The following CHD6 variants were observed in gnomAD, a reference collection of about 807,000 sequenced individuals.
CHD6 encodes the protein chromodomain helicase DNA binding protein 6, also known as ATP-dependent chromatin remodeler CHD6.
A neutral mutation model predicts 276.9 loss-of-function variants in CHD6; 50 were observed. That is an observed-to-expected ratio of 0.18 (90% confidence interval 0.14 to 0.23). The LOEUF is 0.23. Ranked by LOEUF, CHD6 falls within the 10% of genes least tolerant of loss-of-function variation. CHD6 has a pLI of 1.00. For missense variants in CHD6, 2,564 were observed against 3,365.8 expected (o/e 0.76, Z 5.89); for synonymous variants, 1,173 against 1,229.3 (o/e 0.95, Z 0.96).
intron 1 of CHD6, among the ~76,000 whole-genome samples, chr20:41,553,522 T>G (rs1002976630): frequency 2.6e-5 from 4 of 152,226 alleles, no homozygotes; most frequent in African/African-American, 9.6e-5. Flanking sequence ...TCCCCACACT[T>G]ACCTATTTAG....
At chr20:41,513,144 A>G (rs1367146974) in intron 4 of CHD6, 149 bp from the exon 5 acceptor site, 2 of 871,314 alleles carry the variant, frequency 2.3e-6, no homozygotes, top group Non-Finnish European at 3.6e-6. Flanking sequence ...TCTTTTAATA[A>G]AAGGACTAAA....
chr20:41,442,378 G>A (rs867656078), intron 25 of CHD6, among the ~76,000 whole-genome samples: 3 of 152,118 alleles, frequency 2.0e-5, no homozygotes, highest in Admixed American at 6.6e-5. Context: ...CCTGAACCTG[G>A]GAGTTCAAGG....
chr20:41,527,605 C>A (rs1299350104), intron 3 of CHD6, among the ~76,000 whole-genome samples: 1 of 152,138 alleles, frequency 6.6e-6, no homozygotes, highest in Admixed American at 6.5e-5. Flanking sequence ...CTCGGCTGTG[C>A]CTTAATGCCA....
intron 11 of CHD6, among the ~76,000 whole-genome samples, chr20:41,491,211 T>C (rs1196151468): frequency 1.3e-5 from 2 of 151,868 alleles, no homozygotes; most frequent in African/African-American, 4.8e-5. Context: ...CTTCCAATTT[T>C]TTAAAAAACT....
chr20:41,427,637 A>G (rs546573289), intron 27 of CHD6, among the ~76,000 whole-genome samples: 192 of 152,324 alleles, frequency 1.3e-3, no homozygotes, highest in Middle Eastern at 6.8e-3. Context: ...TTTGTCTTGG[A>G]GAGTGAAAAC....
intron 27 of CHD6, among the ~76,000 whole-genome samples, chr20:41,426,498 C>A (rs552913344): frequency 3.3e-5 from 5 of 152,222 alleles, no homozygotes; most frequent in Admixed American, 6.5e-5. Context: ...GCCTTACCAT[C>A]GTCACTTGCA....
intron 3 of CHD6, among the ~76,000 whole-genome samples, chr20:41,523,396 A>C (rs1002980560): frequency 1.3e-4 from 20 of 152,220 alleles, no homozygotes; most frequent in African/African-American, 4.8e-4. Context: ...AACATTTTTG[A>C]GAGTCAAAGT....
intron 3 of CHD6, among the ~76,000 whole-genome samples, chr20:41,526,815 T>C (rs2044550117): frequency 6.6e-6 from 1 of 152,198 alleles, no homozygotes; most frequent in East Asian, 1.9e-4. Context: ...CTGGGAAACA[T>C]GTTTCTCAAA....
At chr20:41,584,525 A>G (rs1294267893) in intron 1 of CHD6, among the ~76,000 whole-genome samples, 1 of 152,166 alleles carries the variant, frequency 6.6e-6, no homozygotes, top group African/African-American at 2.4e-5. Context: ...CAGAATATAC[A>G]TTCTTTTCAA....
chr20:41,529,692 G>C (rs1211002767), intron 3 of CHD6, among the ~76,000 whole-genome samples: 1 of 152,100 alleles, frequency 6.6e-6, no homozygotes, highest in African/African-American at 2.4e-5. Flanking sequence ...GAACTAATGA[G>C]ATTAATCGAG....
chr20:41,445,103 T>A (rs73611273), intron 25 of CHD6, among the ~76,000 whole-genome samples: 3,354 of 152,316 alleles, frequency 0.022, 46 homozygotes, highest in South Asian at 0.04. Context: ...AGGGAGCACT[T>A]ACTTCAGTTT....
At chr20:41,480,811 T>C (rs1020505758) in intron 16 of CHD6, among the ~76,000 whole-genome samples, 9 of 152,246 alleles carry the variant, frequency 5.9e-5, no homozygotes, top group African/African-American at 1.9e-4. Flanking sequence ...TTTCATTAAG[T>C]GTAATAGAAT....
intron 1 of CHD6, among the ~76,000 whole-genome samples, chr20:41,606,322 T>A (rs1418086025): frequency 3.9e-5 from 6 of 151,988 alleles, no homozygotes; most frequent in Admixed American, 1.3e-4. Context: ...CCACCCTGGC[T>A]AACACGGTGA....
In CHD6 at chr20:41,608,755, T is replaced by C. The variant is rs549486574; in HGVS notation, c.-24+9585A>G. 3.3e-5 allele frequency among the ~76,000 whole-genome samples: 5 copies of C among 152,360 alleles called. No homozygotes were observed. The South Asian group carries it at 1.0e-3, about 32-fold the overall frequency. On this transcript the variant is annotated intron_variant, in intron 1 of 36. Transcript: ENST00000373233. ...ATCCCGACAAGATAGAAAGTAGCTT[T>C]GGTTTCAGAGAATCTAGTAATGATG...
At chr20:41,422,722 T>C (rs1337789782) in intron 30 of CHD6, among the ~76,000 whole-genome samples, 1 of 152,202 alleles carries the variant, frequency 6.6e-6, no homozygotes, top group African/African-American at 2.4e-5. Context: ...ATAAACTACC[T>C]TGCTCCACGT....
intron 5 of CHD6, among the ~76,000 whole-genome samples, chr20:41,511,713 A>G (rs2145958883): frequency 6.6e-6 from 1 of 152,004 alleles, no homozygotes; most frequent in East Asian, 1.9e-4. Flanking sequence ...AAGATTATCC[A>G]TTTGTCATAT....
chr20:41,405,495 A>C lies in CHD6; in HGVS notation c.7252-6T>G. On this transcript the variant is annotated splice_region_variant and splice_polypyrimidine_tract_variant and intron_variant, in intron 36 of 36. Coordinates refer to ENST00000373233, the MANE Select transcript of CHD6 (RefSeq NM_032221.5). ...TTGTTTTCTGGAAGAAACCCCTGGA[A>C]AAACAAAGAAACACAAAATGCTGAA... The C allele has an allele frequency of 6.5e-7, 1 of 1,540,482 alleles. No homozygotes were observed. Among genetic ancestry groups the C allele is most frequent in the Non-Finnish European group, 8.7e-7 (1 of 1,145,946 alleles).
intron 2 of CHD6, chr20:41,547,609 C>T (rs562355054): frequency 3.7e-5 from 21 of 572,358 alleles, no homozygotes; most frequent in Non-Finnish European, 6.3e-5. Context: ...GTGAAACTGA[C>T]GATTCAGAAC....
intron 1 of CHD6, among the ~76,000 whole-genome samples, chr20:41,587,363 G>A (rs1481848216): frequency 3.3e-5 from 5 of 152,126 alleles, no homozygotes; most frequent in African/African-American, 1.2e-4. Context: ...CCTTCCAAAT[G>A]AGCTGACTTA....
Sources: gnomAD v4.1 joint callset for allele counts (sites outside exome capture counted in the v4.1 genomes callset) on GRCh38, gnomAD v4.1.1 for gene constraint, MANE v1.5 for transcripts, NCBI Gene and HGNC (gene_info 2026-07-23, HGNC 2026-07-21) for gene names.